The following ZNF711 variants were observed in gnomAD, a reference collection of about 807,000 sequenced individuals.
The protein encoded by ZNF711 is zinc finger protein 711.
Under a neutral mutation model 43.5 loss-of-function variants are expected in ZNF711, and 3 were observed. The ratio of observed to expected loss-of-function variants is 0.07; its 90% CI spans 0.03 to 0.18. The LOEUF is 0.18. Among genes scored for constraint, ZNF711 ranks in the 10% least tolerant of loss-of-function variants. The pLI, the probability that ZNF711 is intolerant of heterozygous loss-of-function variation, is 1.00. For missense variants in ZNF711, 412 were observed against 604.0 expected, an observed-to-expected ratio of 0.68 and a Z score of 3.33; for synonymous variants, 209 against 207.7, an observed-to-expected ratio of 1.01 and a Z score of -0.06.
At position 85,264,523 on chromosome X, in the gene ZNF711, G is replaced by GT. The variant is rs775624086; in HGVS notation, c.778+100dup. The GT allele has an allele frequency of 4.5e-4, 385 of 850,747 alleles. 2 individuals are homozygous for GT. The South Asian group carries it at 8.5e-3, about 19-fold the overall frequency. The allele number at this position is 850,747 out of a possible 1,213,427, so 70.1% of individuals were successfully genotyped here. A position where few individuals can be genotyped will look rare whatever the true frequency, so the allele number is the denominator to read the frequency against. ...GTCTAAAAATGTTCTCAAAGCATGG[G>GT]TTTTTTTAATACGTTTTCTTTGGGA... On this transcript the variant is annotated intron_variant, in intron 6 of 10. Coordinates refer to ENST00000674551, the MANE Select transcript of ZNF711 (RefSeq NM_001330574.2).
At chrX:85,254,733 T>C (rs1243591580) in intron 4 of ZNF711, among the ~76,000 whole-genome samples, 4 of 75,734 alleles carry the variant, frequency 5.3e-5, no homozygotes, top group Middle Eastern at 0.014. Flanking sequence ...ACCCGGGAGG[T>C]GGAGTTTGCA....
At chrX:85,270,230 C>G (rs1931461645) in intron 10 of ZNF711, 84 bp downstream of exon 10, 1 of 1,003,324 alleles carries the variant, frequency 1.0e-6, no homozygotes. Flanking sequence ...CGATGGTTTA[C>G]TTGGCAGTTC....
At position 85,268,300 on chromosome X, in the gene ZNF711, A is replaced by G; in HGVS notation, c.1061A>G (p.Glu354Gly). 1 of 1,106,855 alleles carries G rather than the reference A, an allele frequency of 9.0e-7. No individual in the cohort carries two copies. Among genetic ancestry groups the G allele is most frequent in the Non-Finnish European group, 1.2e-6 (1 of 821,566 alleles). 91.2% of individuals were successfully genotyped at this position (1,106,855 alleles called of 1,213,427 possible). A position where few individuals can be genotyped will look rare whatever the true frequency, so the allele number is the denominator to read the frequency against. The change falls in exon 9 of 11, where the codon GAA becomes GGA. Residue 354 changes from glutamate (E) to glycine (G), a missense_variant. By Grantham distance (98) the Glu-to-Gly change is moderately conservative. This residue lies in a region of ZNF711 where 375 missense variants were observed against 514.2 expected (regional missense o/e 0.73). Transcript: ENST00000674551. ...TTTTTTTTTTTTTTTTTAGGAGATG[A>G]AAGAAGAGTTTCCCGAAGGTATGAA... is the stretch of plus-strand genomic sequence containing the variant. Reference protein sequence around the residue: ...PVVWAAAYGDERRVSRRYEDC... With the variant: ...PVVWAAAYGDGRRVSRRYEDC...
At chrX:85,245,699 A>C (rs767095488) in intron 1 of ZNF711, among the ~76,000 whole-genome samples, 11 of 112,169 alleles carry the variant, frequency 9.8e-5, no homozygotes, top group Non-Finnish European at 2.1e-4. Flanking sequence ...TAGCATTCTA[A>C]GTATAATAAC....
chrX:85,254,755 TCGCGCCAC>T (rs1294264261), intron 4 of ZNF711, among the ~76,000 whole-genome samples: 1 of 89,734 alleles, frequency 1.1e-5, no homozygotes, highest in Non-Finnish European at 2.1e-5. Flanking sequence ...TGAGCCGAGA[TCGCGCCAC>T]CGCACTCCAG....
intron 5 of ZNF711, 27 bp downstream of exon 5, chrX:85,255,828 A>G: frequency 8.4e-7 from 1 of 1,195,618 alleles, no homozygotes; most frequent in South Asian, 1.8e-5. Flanking sequence ...GCCCATAATT[A>G]CTCAGGAGAT....
intron 4 of ZNF711, among the ~76,000 whole-genome samples, chrX:85,250,644 A>G (rs1929480498): frequency 1.8e-5 from 2 of 111,857 alleles, no homozygotes; most frequent in African/African-American, 6.5e-5. Context: ...AGGTATATAA[A>G]TCAATGGCAG....
At chrX:85,246,757 G>A (rs1375762539) in intron 2 of ZNF711, among the ~76,000 whole-genome samples, 173 bp from the exon 3 acceptor site, 1 of 112,412 alleles carries the variant, frequency 8.9e-6, no homozygotes, top group African/African-American at 3.2e-5. Flanking sequence ...TATAGGATAA[G>A]TCATTTGAAA....
Position 85,255,427 on chromosome X carries a change from T to G in ZNF711, c.248T>G (p.Val83Gly). 1 of 1,211,779 alleles carries G rather than the reference T, an allele frequency of 8.3e-7. No individual in the cohort carries two copies. The change falls in exon 5 of 11, where the codon GTA (valine) becomes GGA (glycine). Residue 83 changes from valine to glycine, a missense_variant. Transcript: ENST00000674551. The part of the protein sequence containing the change: ...GPDIITETDV[V>G]TEGVIVPEAV... ...GATATCATCACAGAGACTGATGTAG[T>G]AACAGAAGGTGTGATTGTTCCTGAA...
intron 3 of ZNF711, 108 bp downstream of exon 3, chrX:85,247,296 C>G (rs1338560953): frequency 3.1e-6 from 1 of 321,616 alleles, no homozygotes; most frequent in Non-Finnish European, 5.4e-6. Context: ...TTTCTTCTAC[C>G]ACTTCCCTAT....
At position 85,270,687 on chromosome X, in the gene ZNF711, T is replaced by C; in HGVS notation, c.1283T>C (p.Val428Ala). 1 of 1,208,783 alleles carries C rather than the reference T, an allele frequency of 8.3e-7. No homozygotes were observed. Among genetic ancestry groups the C allele is most frequent in the South Asian group, 1.8e-5 (1 of 56,547 alleles). Residue 428 changes from valine (V) to alanine (A), a missense_variant, in exon 11 of 11, where the codon GTG becomes GCG. Coordinates refer to ENST00000674551, the MANE Select transcript of ZNF711 (RefSeq NM_001330574.2). ...IIGPDGQPLTVYPCHICTKKF... is the reference protein window; with the variant it reads ...IIGPDGQPLTAYPCHICTKKF... ...GGTCCTGATGGACAGCCCCTCACAG[T>C]GTACCCTTGCCATATTTGCACAAAA...
At chrX:85,247,376 T>A in intron 3 of ZNF711, 171 bp from the exon 4 acceptor site, 1 of 371,790 alleles carries the variant, frequency 2.7e-6, no homozygotes, top group Non-Finnish European at 4.6e-6. Context: ...CTTCTTTTAT[T>A]TATGGTTGTC....
At chrX:85,246,897 G>GT in intron 2 of ZNF711, 33 bp from the exon 3 acceptor site, 1 of 296,896 alleles carries the variant, frequency 3.4e-6, no homozygotes, top group Non-Finnish European at 5.9e-6. Context: ...CTAAATGTTT[G>GT]TATGTGATCG....
rs1338861621 is a variant in ZNF711 at position 85,262,593 on chromosome X, TC to T, written c.623-1681del. Reference sequence around the variant, plus strand: ...TAAGCCAGTAATATCAAATACTTAATCTTTTTTTATTTTAATTTGTACCATT... The same window carrying T: ...TAAGCCAGTAATATCAAATACTTAATTTTTTTTATTTTAATTTGTACCATT... On this transcript the variant is annotated intron_variant, in intron 5 of 10. Transcript: ENST00000674551. Among the ~76,000 whole-genome samples the T allele has an allele frequency of 3.6e-5, 4 of 110,477 alleles. No individual in the cohort carries two copies. The Admixed American group carries it at 3.9e-4, about 11-fold the overall frequency.
chrX:85,264,064 T>G (rs2147852943), intron 5 of ZNF711, among the ~76,000 whole-genome samples: 1 of 110,479 alleles, frequency 9.1e-6, no homozygotes, highest in Non-Finnish European at 1.9e-5. Flanking sequence ...CCCCCCACCT[T>G]TTTGAAGTCC....
chrX:85,247,423 C>T, intron 3 of ZNF711, 124 bp from the exon 4 acceptor site: 1 of 425,273 alleles, frequency 2.4e-6, no homozygotes, highest in Non-Finnish European at 3.9e-6. Flanking sequence ...CTTTGTTTTG[C>T]TTTCTTTTGT....
intron 7 of ZNF711, among the ~76,000 whole-genome samples, chrX:85,266,908 G>C (rs1490044422): frequency 9.5e-6 from 1 of 105,450 alleles, no homozygotes; most frequent in Non-Finnish European, 1.9e-5. Context: ...AGATAGTATG[G>C]ACCACTTTCT....
chrX:85,249,950 T>C (rs1422021154), intron 4 of ZNF711, among the ~76,000 whole-genome samples: 1 of 112,122 alleles, frequency 8.9e-6, no homozygotes, highest in Admixed American at 9.5e-5. Flanking sequence ...AGTGGAATCA[T>C]ATATGGTCGT....
At chrX:85,264,549 A>G (rs1930939947) in intron 6 of ZNF711, 119 bp downstream of exon 6, 1 of 641,978 alleles carries the variant, frequency 1.6e-6, no homozygotes, top group Non-Finnish European at 2.3e-6. Context: ...TTCTTTGGGA[A>G]TAGTCTACTT....
Sources: allele counts gnomAD v4.1 joint callset (sites outside exome capture counted in the v4.1 genomes callset), GRCh38; gene constraint gnomAD v4.1.1; regional missense constraint gnomAD v4.1.1; transcripts MANE v1.5; gene names NCBI Gene and HGNC (gene_info 2026-07-23, HGNC 2026-07-21).